Variants in SYN3 observed in about 807,000 individuals in gnomAD.
SYN3 encodes synapsin-3.
Under a neutral mutation model 65.8 loss-of-function variants are expected in SYN3, and 35 were observed. The observed-to-expected ratio is 0.53, with a 90% CI of 0.41 to 0.70. The LOEUF is 0.70. Among genes scored for constraint, SYN3 ranks in the 30% least tolerant of loss-of-function variants. SYN3 has a pLI of 0.00. For synonymous variants in SYN3, 270 were observed against 292.9 expected (o/e 0.92, Z 0.80); for missense variants, 680 against 749.0 (o/e 0.91, Z 1.08).
chr22:33,003,554 C>T (rs745725507), intron 2 of SYN3, among the ~76,000 whole-genome samples: 5 of 152,112 alleles, frequency 3.3e-5, no homozygotes, highest in East Asian at 1.9e-4. Flanking sequence ...CATTTTGCCC[C>T]GGCCCTAGAG....
chr22:32,945,194 T>A (rs1264669633), intron 3 of SYN3, among the ~76,000 whole-genome samples: 1 of 152,168 alleles, frequency 6.6e-6, no homozygotes, highest in East Asian at 1.9e-4. Flanking sequence ...ATAACTACTT[T>A]AAAGTTCATA....
intron 3 of SYN3, 78 bp downstream of exon 3, chr22:32,980,567 G>T: frequency 1.5e-6 from 2 of 1,324,450 alleles, no homozygotes; most frequent in Non-Finnish European, 2.2e-6. Flanking sequence ...ATAAGATGGG[G>T]ACCAAGATTG....
chr22:32,731,674 T>C (rs532834415), intron 6 of SYN3, among the ~76,000 whole-genome samples: 1 of 152,292 alleles, frequency 6.6e-6, no homozygotes, highest in African/African-American at 2.4e-5. Flanking sequence ...ATGTCTATAG[T>C]AGATGCAGGA....
At chr22:32,897,241 C>T (rs891027555) in intron 4 of SYN3, among the ~76,000 whole-genome samples, 3 of 152,154 alleles carry the variant, frequency 2.0e-5, no homozygotes, top group Non-Finnish European at 2.9e-5. Context: ...TTGTTTTCTT[C>T]TAGGAAGTCT....
At chr22:32,701,374 AC>A (rs1163794410) in intron 6 of SYN3, among the ~76,000 whole-genome samples, 1 of 152,228 alleles carries the variant, frequency 6.6e-6, no homozygotes, top group Non-Finnish European at 1.5e-5. Flanking sequence ...AAATCACAAT[AC>A]CCAGCATCCA....
intron 3 of SYN3, among the ~76,000 whole-genome samples, chr22:32,933,113 T>C (rs1447707066): frequency 6.6e-6 from 1 of 152,198 alleles, no homozygotes; most frequent in African/African-American, 2.4e-5. Flanking sequence ...AACATATGAA[T>C]TTTGGGGGTG....
chr22:32,679,463 ATC>A (rs2060492835), intron 6 of SYN3, among the ~76,000 whole-genome samples: 1 of 152,128 alleles, frequency 6.6e-6, no homozygotes, highest in South Asian at 2.1e-4. Context: ...TCTCTTTGAG[ATC>A]CTGATCTCAA....
chr22:32,735,192 A>C (rs2061323266), intron 6 of SYN3, among the ~76,000 whole-genome samples: 1 of 152,188 alleles, frequency 6.6e-6, no homozygotes, highest in Admixed American at 6.5e-5. Flanking sequence ...AGGCTCCTGG[A>C]TCAGATGGAG....
chr22:32,867,241 C>T (rs1049716269), intron 5 of SYN3, among the ~76,000 whole-genome samples: 1 of 152,206 alleles, frequency 6.6e-6, no homozygotes. Flanking sequence ...ATTACCTATC[C>T]TCTTTCTGTC....
intron 3 of SYN3, among the ~76,000 whole-genome samples, chr22:32,945,004 AAGG>A (rs1464165531): frequency 6.6e-6 from 1 of 152,226 alleles, no homozygotes; most frequent in East Asian, 1.9e-4. Flanking sequence ...GGATCTCTTC[AAGG>A]AGAACTACAA....
chr22:32,643,043 G>C (rs1455272487), intron 6 of SYN3, among the ~76,000 whole-genome samples: 1 of 152,056 alleles, frequency 6.6e-6, no homozygotes, highest in Non-Finnish European at 1.5e-5. Flanking sequence ...AAAGTGATAG[G>C]GAAACCTTTT....
chr22:32,765,661 G>T (rs1569207439), intron 6 of SYN3, among the ~76,000 whole-genome samples: 1 of 152,160 alleles, frequency 6.6e-6, no homozygotes, highest in Non-Finnish European at 1.5e-5. Context: ...AAGAGTTTGG[G>T]CATGGCTGGC....
At chr22:32,747,580 G>A (rs1353756182) in intron 6 of SYN3, among the ~76,000 whole-genome samples, 1 of 152,240 alleles carries the variant, frequency 6.6e-6, no homozygotes, top group Non-Finnish European at 1.5e-5. Context: ...TGAGGAAAGT[G>A]AGGCTCAGAA....
rs1014164413 is a variant in SYN3, at chr22:32,837,348, G to A, written c.711+27567C>T. Among the ~76,000 whole-genome samples, 8 of 152,108 alleles carry A rather than the reference G, an allele frequency of 5.3e-5. No individual in the cohort carries two copies. Among genetic ancestry groups the A allele is most frequent in the South Asian group, 2.1e-4 (1 of 4,822 alleles). ...GGGGGTGGTCTCAGCCCCCCTCACC[G>A]AGTGCACTTGCATGGCAGTAAGCAA... On this transcript the variant is annotated intron_variant, in intron 6 of 13. Transcript: ENST00000358763. The surrounding 1 kb of genome is among the most constrained non-coding windows in gnomAD (Gnocchi z 4.1).
chr22:32,571,049 G>A (rs2146419724), intron 7 of SYN3, among the ~76,000 whole-genome samples: 1 of 152,298 alleles, frequency 6.6e-6, no homozygotes, highest in Admixed American at 6.5e-5. Context: ...TTTCTAAAAT[G>A]TTGGCTAAAT....
chr22:32,949,266 G>A (rs2051211584), intron 3 of SYN3, among the ~76,000 whole-genome samples: 1 of 152,048 alleles, frequency 6.6e-6, no homozygotes, highest in African/African-American at 2.4e-5. Flanking sequence ...AAATTAGCCA[G>A]GCATGGTGGT....
At chr22:32,986,848 C>T (rs944195491) in intron 2 of SYN3, among the ~76,000 whole-genome samples, 5 of 152,074 alleles carry the variant, frequency 3.3e-5, no homozygotes, top group Non-Finnish European at 5.9e-5. Context: ...ATTCTCTCTC[C>T]GTGGGTGGTC....
chr22:32,515,663 T>C (rs1377192069), intron 13 of SYN3, among the ~76,000 whole-genome samples: 1 of 152,282 alleles, frequency 6.6e-6, no homozygotes, highest in Admixed American at 6.5e-5. Flanking sequence ...TGTTCAGATT[T>C]ATTAATTGCA....
chr22:33,027,725 C>T (rs772991081), intron 1 of SYN3, among the ~76,000 whole-genome samples: 24 of 152,050 alleles, frequency 1.6e-4, no homozygotes, highest in Non-Finnish European at 1.9e-4. Flanking sequence ...GAAAACTTCA[C>T]AGGGGTTAAG....
Sources: allele counts gnomAD v4.1 joint callset (sites outside exome capture counted in the v4.1 genomes callset), GRCh38; gene constraint gnomAD v4.1.1; non-coding constraint Gnocchi (gnomAD v3.1); transcripts MANE v1.5; gene names NCBI Gene and HGNC (gene_info 2026-07-23, HGNC 2026-07-21).